Variants in CSMD2 observed in about 807,000 individuals in gnomAD.
The protein encoded by CSMD2 is CUB and Sushi multiple domains 2, also known as CUB and sushi domain-containing protein 2.
A neutral mutation model predicts 398.5 loss-of-function variants in CSMD2; 130 were observed. The observed-to-expected ratio is 0.33, with a 90% CI of 0.28 to 0.38. CSMD2 has a LOEUF of 0.38. CSMD2 is among the 10% of genes least tolerant of loss of function. The pLI is 1.00. For synonymous variants in CSMD2, 1,828 were observed against 1,908.5 expected (o/e 0.96, Z 1.10); for missense variants, 3,829 against 4,764.9 (o/e 0.80, Z 5.78).
Position 33,636,527 on chromosome 1 carries a change from G to A in CSMD2, c.4802C>T (p.Pro1601Leu). 6.2e-7 allele frequency: 1 copy of A among 1,614,100 alleles called. No individual in the cohort carries two copies. The highest frequency in any genetic ancestry group is 8.5e-7 in the Non-Finnish European group (1 of 1,179,998). The change falls in exon 30 of 71, where the codon CCT (proline) becomes CTT (leucine). Residue 1601 changes from proline to leucine, a missense_variant. Pro to Leu is a moderately conservative substitution (Grantham distance 98). Coordinates refer to ENST00000373381, the MANE Select transcript of CSMD2 (RefSeq NM_001281956.2). This position sits in a 1 kb window ranked among gnomAD's most constrained non-coding sequence, Gnocchi z 4.8. ...CCGTGTGCCGTTCTTGATGGAACCA[G>A]GATCAAAACATGACTCCCGCGGGTT... Reference protein sequence around the residue: ...TENPRESCFDPGSIKNGTRVG... With the variant: ...TENPRESCFDLGSIKNGTRVG...
At chr1:33,734,148 G>A (rs1646808892) in intron 15 of CSMD2, among the ~76,000 whole-genome samples, 1 of 152,184 alleles carries the variant, frequency 6.6e-6, no homozygotes, top group Admixed American at 6.5e-5. Flanking sequence ...TGGTCATGAG[G>A]AGAACTGACC....
chr1:34,055,178 AG>A (rs1653684118), intron 2 of CSMD2, among the ~76,000 whole-genome samples: 1 of 152,196 alleles, frequency 6.6e-6, no homozygotes, highest in South Asian at 2.1e-4. Context: ...GCAAATAGCC[AG>A]TCTACTCCCA....
chr1:33,678,613 G>A (rs537176313), intron 25 of CSMD2, among the ~76,000 whole-genome samples: 1 of 152,252 alleles, frequency 6.6e-6, no homozygotes, highest in East Asian at 1.9e-4. Context: ...ATTATCCTTG[G>A]TGACATCGGA....
At chr1:33,674,579 A>G (rs528726939) in intron 25 of CSMD2, among the ~76,000 whole-genome samples, 3 of 152,368 alleles carry the variant, frequency 2.0e-5, no homozygotes, top group East Asian at 3.9e-4. Flanking sequence ...GATATCCAGG[A>G]ATTGAACTCA....
At chr1:33,908,745 T>C (rs1643275359) in intron 5 of CSMD2, among the ~76,000 whole-genome samples, 1 of 152,246 alleles carries the variant, frequency 6.6e-6, no homozygotes, top group East Asian at 1.9e-4. Flanking sequence ...GCTGGAGCCC[T>C]GGCCTTCACT....
intron 2 of CSMD2, among the ~76,000 whole-genome samples, chr1:34,066,429 GAAA>G (rs1173609825): frequency 1.3e-5 from 2 of 152,048 alleles, no homozygotes; most frequent in Non-Finnish European, 2.9e-5. Context: ...TTTGCATCTT[GAAA>G]CACCAACAAA....
chr1:33,966,741 T>G (rs1477503787), intron 3 of CSMD2, among the ~76,000 whole-genome samples: 1 of 152,210 alleles, frequency 6.6e-6, no homozygotes, highest in African/African-American at 2.4e-5. Flanking sequence ...AGATGATTTA[T>G]GAAATCATTT....
At chr1:33,960,702 G>A (rs1399562933) in intron 3 of CSMD2, among the ~76,000 whole-genome samples, 2 of 152,234 alleles carry the variant, frequency 1.3e-5, no homozygotes, top group Non-Finnish European at 2.9e-5. Flanking sequence ...ACCTTTCTGA[G>A]CTCAGGAATC....
chr1:33,682,156 G>A (rs1644928224), intron 25 of CSMD2, among the ~76,000 whole-genome samples: 1 of 152,136 alleles, frequency 6.6e-6, no homozygotes. Context: ...GTTGGCTTAT[G>A]GCTATATCAC....
chr1:33,969,839 G>A (rs531626369), intron 3 of CSMD2, among the ~76,000 whole-genome samples: 131 of 152,218 alleles, frequency 8.6e-4, no homozygotes, highest in African/African-American at 2.8e-3. Context: ...TCAGCCGGGC[G>A]TGGTGGCTCA....
chr1:33,550,209 C>T lies in CSMD2; in HGVS notation c.8885G>A (p.Gly2962Glu), dbSNP rs2148627197. 1.2e-6 allele frequency: 2 copies of T among 1,614,164 alleles called. No homozygotes were observed. The highest frequency in any genetic ancestry group is 8.5e-7 in the Non-Finnish European group (1 of 1,180,024). The change falls in exon 56 of 71, where the codon GGA (glycine) becomes GAA (glutamate). Residue 2962 changes from glycine to glutamate, a missense_variant. Physicochemically the swap from Gly to Glu is moderately conservative, Grantham distance 98. Coordinates refer to ENST00000373381, the MANE Select transcript of CSMD2 (RefSeq NM_001281956.2). The part of the protein sequence containing the change: ...GNSTRMCGLD[G>E]HWTGSLPHCS... ...GTGAGGGAGGGAGCCAGTCCAGTGT[C>T]CATCCAGCCCACACATGCGGGTGCT...
At chr1:33,675,320 A>C (rs1644669660) in intron 25 of CSMD2, among the ~76,000 whole-genome samples, 1 of 152,228 alleles carries the variant, frequency 6.6e-6, no homozygotes, top group Non-Finnish European at 1.5e-5. Context: ...ATCAGAGAAT[A>C]CTACAAACAC....
At chr1:33,669,425 G>C (rs1218863733) in intron 25 of CSMD2, among the ~76,000 whole-genome samples, 1 of 152,144 alleles carries the variant, frequency 6.6e-6, no homozygotes, top group Non-Finnish European at 1.5e-5. Flanking sequence ...CTATCTTTCT[G>C]AACCACTCCT....
chr1:33,966,905 G>A (rs192249157), intron 3 of CSMD2, among the ~76,000 whole-genome samples: 82 of 152,300 alleles, frequency 5.4e-4, no homozygotes, highest in African/African-American at 1.7e-3. Flanking sequence ...TGGGAGCCAC[G>A]TCAACATTTC....
At chr1:33,666,539 A>G (rs1644321536) in intron 25 of CSMD2, among the ~76,000 whole-genome samples, 1 of 75,678 alleles carries the variant, frequency 1.3e-5, no homozygotes, top group African/African-American at 4.9e-5. Flanking sequence ...TCAGATATAT[A>G]TATGTGTGTG....
In CSMD2 at chr1:33,589,482, A is replaced by G. The variant is rs1167263124; in HGVS notation, c.6857-2314T>C. On this transcript the variant is annotated intron_variant, in intron 44 of 70. Transcript: ENST00000373381. ...TTAACTTGCTAAACAAAAAAGCAGC[A>G]TTTATTTTATTTTAATTGGCATTTG... is the stretch of plus-strand genomic sequence containing the variant. 2.0e-5 allele frequency among the ~76,000 whole-genome samples: 3 copies of G among 152,228 alleles called. No homozygotes were observed. In the East Asian group the frequency reaches 5.8e-4, roughly 29 times the overall value.
In CSMD2 at chr1:33,820,565, C is replaced by CAAAAAGA; in HGVS notation, c.1112-10_1112-9insTCTTTTT. ...CACACCAACCTGAGTTACTACAAGG[C>CAAAAAGA]AAAAAAAAAAAAAAAAAAAAAAACA... On this transcript the variant is annotated splice_polypyrimidine_tract_variant and intron_variant, in intron 7 of 70. Transcript: ENST00000373381. The CAAAAAGA allele has an allele frequency of 2.3e-6, 1 of 442,170 alleles. No homozygotes were observed. The highest frequency in any genetic ancestry group is 3.1e-5 in the South Asian group (1 of 32,268). The allele number at this position is 442,170 out of a possible 1,614,324, so 27.4% of individuals were successfully genotyped here. A position where few individuals can be genotyped will look rare whatever the true frequency, so the allele number is the denominator to read the frequency against.
At chr1:33,797,869 T>C (rs536925906) in intron 10 of CSMD2, among the ~76,000 whole-genome samples, 1 of 152,274 alleles carries the variant, frequency 6.6e-6, no homozygotes, top group African/African-American at 2.4e-5. Flanking sequence ...GAGTGTATGA[T>C]TATTACGCCT....
chr1:33,979,069 G>A (rs562754443), intron 3 of CSMD2, among the ~76,000 whole-genome samples: 21 of 152,250 alleles, frequency 1.4e-4, no homozygotes, highest in African/African-American at 4.6e-4. Flanking sequence ...GGAAGCTCCT[G>A]GACTTGAACT....
Sources: allele counts gnomAD v4.1 joint callset (sites outside exome capture counted in the v4.1 genomes callset), GRCh38; gene constraint gnomAD v4.1.1; non-coding constraint Gnocchi (gnomAD v3.1); transcripts MANE v1.5; gene names NCBI Gene and HGNC (gene_info 2026-07-23, HGNC 2026-07-21).